Variants in LRP1B observed in about 807,000 individuals in gnomAD.
The protein encoded by LRP1B is LDL receptor related protein 1B.
In LRP1B, 217 loss-of-function variants were observed where a neutral mutation model predicts 556.6. The ratio of observed to expected loss-of-function variants is 0.39; its 90% CI spans 0.35 to 0.44. The LOEUF is 0.44. LRP1B is among the 20% of genes least tolerant of loss of function. LRP1B has a pLI of 1.00. For synonymous variants in LRP1B, 2,047 were observed against 1,865.8 expected (o/e 1.10, Z -2.50); for missense variants, 5,053 against 5,620.8 (o/e 0.90, Z 3.23).
chr2:141,731,083 G>A (rs1693253499), intron 2 of LRP1B, among the ~76,000 whole-genome samples: 1 of 152,106 alleles, frequency 6.6e-6, no homozygotes, highest in Non-Finnish European at 1.5e-5. Flanking sequence ...TGGAAAAGTG[G>A]GAGGCTGCCC....
At chr2:141,210,260 T>C (rs890015657) in intron 6 of LRP1B, among the ~76,000 whole-genome samples, 1 of 143,782 alleles carries the variant, frequency 7.0e-6, no homozygotes, top group African/African-American at 2.5e-5. Context: ...GAAAAAAAAA[T>C]GCCCATGTTA....
intron 43 of LRP1B, among the ~76,000 whole-genome samples, chr2:140,595,100 A>ATC (rs1558992088): frequency 2.0e-3 from 67 of 33,420 alleles, no homozygotes; most frequent in African/African-American, 6.8e-3. Context: ...ATATATATAT[A>ATC]TATATATATA....
intron 18 of LRP1B, among the ~76,000 whole-genome samples, chr2:140,966,178 A>G (rs1558768978): frequency 6.6e-6 from 1 of 152,196 alleles, no homozygotes; most frequent in Non-Finnish European, 1.5e-5. Context: ...CCAACAGTGT[A>G]AAAGTGTTCC....
intron 68 of LRP1B, among the ~76,000 whole-genome samples, chr2:140,374,076 T>C (rs1050255719): frequency 6.6e-6 from 1 of 152,186 alleles, no homozygotes; most frequent in Non-Finnish European, 1.5e-5. Flanking sequence ...CTAGTCCATA[T>C]ACAGATTTTA....
At chr2:140,340,758 C>T (rs775075812) in intron 77 of LRP1B, among the ~76,000 whole-genome samples, 3 of 151,334 alleles carry the variant, frequency 2.0e-5, no homozygotes, top group East Asian at 3.9e-4. Flanking sequence ...TAAGCCTACA[C>T]GGTTTGGTAT....
At chr2:140,552,634 T>C (rs2105054673) in intron 43 of LRP1B, among the ~76,000 whole-genome samples, 1 of 152,262 alleles carries the variant, frequency 6.6e-6, no homozygotes, top group South Asian at 2.1e-4. Context: ...CTTACAAGCC[T>C]AGTCAGAGTC....
intron 2 of LRP1B, among the ~76,000 whole-genome samples, chr2:141,570,393 T>C (rs1686484165): frequency 6.6e-6 from 1 of 150,996 alleles, no homozygotes; most frequent in South Asian, 2.1e-4. Flanking sequence ...CTGTGCTTTT[T>C]CCACAGATGT....
At position 141,656,818 on chromosome 2, in the gene LRP1B, T is replaced by C. The variant is rs74659977; in HGVS notation, c.205+153461A>G. On this transcript the variant is annotated intron_variant, in intron 2 of 90. Transcript: ENST00000389484. ...AATCCTCTTTTAAGTATCTAGCATG[T>C]GTCTGGCCCTATGTTGCATAATCAT... 1.9e-3 allele frequency among the ~76,000 whole-genome samples: 282 copies of C among 152,234 alleles called. 5 individuals are homozygous for C. In the East Asian group the frequency reaches 0.052, roughly 28 times the overall value.
chr2:141,106,740 T>C (rs1700611799), intron 7 of LRP1B, among the ~76,000 whole-genome samples: 1 of 152,166 alleles, frequency 6.6e-6, no homozygotes, highest in Non-Finnish European at 1.5e-5. Context: ...CCTCTCTTAC[T>C]AAGGAGCCCC....
At position 140,702,246 on chromosome 2, in the gene LRP1B, C is replaced by G. The variant is rs199749944; in HGVS notation, c.6197G>C (p.Arg2066Thr). ...WCDARTDKIERIDLETGGNRE... is the reference protein window; with the variant it reads ...WCDARTDKIETIDLETGGNRE... ...ATTCCCTCCAGTCTCAAGGTCGATTCTCTCTATCTTGTCTGTGCGAGCATC... is the reference window on the plus strand; with the variant it reads ...ATTCCCTCCAGTCTCAAGGTCGATTGTCTCTATCTTGTCTGTGCGAGCATC... The change falls in exon 39 of 91, where the codon AGA (arginine) becomes ACA (threonine). Residue 2066 changes from arginine to threonine, a missense_variant. Arg to Thr is a moderately conservative substitution (Grantham distance 71). Transcript: ENST00000389484. 6.2e-7 allele frequency: 1 copy of G among 1,613,710 alleles called. No homozygotes were observed. Among genetic ancestry groups the G allele is most frequent in the Non-Finnish European group, 8.5e-7 (1 of 1,179,750 alleles).
At position 140,450,970 on chromosome 2, in the gene LRP1B, C is replaced by T. The variant is rs571565820; in HGVS notation, c.9964-309G>A. 1.7e-4 allele frequency among the ~76,000 whole-genome samples: 26 copies of T among 152,288 alleles called. 1 individual carries two copies. The South Asian group carries it at 5.4e-3, about 32-fold the overall frequency. On this transcript the variant is annotated intron_variant, in intron 62 of 90. Coordinates refer to ENST00000389484, the MANE Select transcript of LRP1B (RefSeq NM_018557.3). ...GTTGGCTTGTTGGTCGAGATAGGGT[C>T]TCGCTCTGTCGCCCAGGCTGGAAGG... is the stretch of plus-strand genomic sequence containing the variant.
intron 41 of LRP1B, among the ~76,000 whole-genome samples, chr2:140,677,198 G>T (rs1263379764): frequency 6.6e-6 from 1 of 152,182 alleles, no homozygotes; most frequent in East Asian, 1.9e-4. Flanking sequence ...CAACAGAAAT[G>T]AGTTCATTGT....
chr2:141,248,715 T>C (rs919092232), intron 4 of LRP1B, among the ~76,000 whole-genome samples: 2 of 152,166 alleles, frequency 1.3e-5, no homozygotes, highest in African/African-American at 2.4e-5. Context: ...CACATTGGCA[T>C]TGGGAAAGCA....
At chr2:141,528,376 A>T (rs1255471811) in intron 2 of LRP1B, among the ~76,000 whole-genome samples, 1 of 152,008 alleles carries the variant, frequency 6.6e-6, no homozygotes, top group Non-Finnish European at 1.5e-5. Flanking sequence ...ATTGCTATTC[A>T]TAGAATATCA....
chr2:141,808,700 C>T (rs1327408074), intron 2 of LRP1B, among the ~76,000 whole-genome samples: 1 of 151,958 alleles, frequency 6.6e-6, no homozygotes, highest in Non-Finnish European at 1.5e-5. Flanking sequence ...TTTATAAACC[C>T]CCAAAAGACC....
chr2:140,369,712 T>A (rs1017079530), intron 71 of LRP1B, among the ~76,000 whole-genome samples: 1 of 151,914 alleles, frequency 6.6e-6, no homozygotes, highest in Non-Finnish European at 1.5e-5. Context: ...TTTATCAGGT[T>A]TGGGATGGAG....
chr2:140,855,611 A>G (rs1692593800), intron 27 of LRP1B, among the ~76,000 whole-genome samples: 1 of 151,732 alleles, frequency 6.6e-6, no homozygotes, highest in Non-Finnish European at 1.5e-5. Flanking sequence ...TTTCCCTGCT[A>G]CTACCATTTA....
At chr2:141,902,642 C>A (rs908198170) in intron 1 of LRP1B, among the ~76,000 whole-genome samples, 1 of 151,940 alleles carries the variant, frequency 6.6e-6, no homozygotes. Context: ...ATTCAAGCTG[C>A]GCTTGAAGGA....
At chr2:140,917,743 T>C (rs1047091056) in intron 21 of LRP1B, among the ~76,000 whole-genome samples, 1 of 152,126 alleles carries the variant, frequency 6.6e-6, no homozygotes, top group Non-Finnish European at 1.5e-5. Flanking sequence ...GAAATTATTC[T>C]CCTTGATACT....
Sources: allele counts gnomAD v4.1 joint callset (sites outside exome capture counted in the v4.1 genomes callset), GRCh38; gene constraint gnomAD v4.1.1; transcripts MANE v1.5; gene names NCBI Gene and HGNC (gene_info 2026-07-23, HGNC 2026-07-21).